Variants in ISM1 observed in about 807,000 individuals in gnomAD.
ISM1 encodes the protein isthmin-1.
ISM1 carries 25 observed loss-of-function variants against 46.3 expected under a neutral mutation model. The observed-to-expected ratio is 0.54, with a 90% CI of 0.39 to 0.75. The LOEUF is 0.75. Among genes scored for constraint, ISM1 ranks in the 30% least tolerant of loss-of-function variants. The probability of loss-of-function intolerance (pLI) is 0.00; values close to 1 mark genes in which losing one functional copy is unlikely to be tolerated. For synonymous variants in ISM1, 255 were observed against 256.7 expected (o/e 0.99, Z 0.06); for missense variants, 536 against 625.4 (o/e 0.86, Z 1.52).
At chr20:13,297,673 A>G (rs1295900709) in intron 5 of ISM1, among the ~76,000 whole-genome samples, 3 of 152,212 alleles carry the variant, frequency 2.0e-5, no homozygotes, top group Admixed American at 1.3e-4. Context: ...TCACAGGATC[A>G]GTTGTTCCCA....
intron 2 of ISM1, among the ~76,000 whole-genome samples, chr20:13,276,117 T>C (rs192463916): frequency 5.0e-4 from 76 of 152,334 alleles, no homozygotes; most frequent in African/African-American, 1.5e-3. Flanking sequence ...ATAATCTGGA[T>C]TTAAAACCCT....
chr20:13,232,735 T>G (rs1407537463), intron 1 of ISM1, among the ~76,000 whole-genome samples: 2 of 152,228 alleles, frequency 1.3e-5, no homozygotes. Context: ...ATAAAGTGTT[T>G]AGGATCTACA....
chr20:13,237,975 A>G (rs555661899), intron 1 of ISM1: 1 of 152,272 alleles, frequency 6.6e-6, no homozygotes, highest in East Asian at 1.9e-4. Flanking sequence ...GTCCATATGA[A>G]AAGAGTGACC....
At chr20:13,247,476 G>A (rs2039809580) in intron 1 of ISM1, among the ~76,000 whole-genome samples, 1 of 151,552 alleles carries the variant, frequency 6.6e-6, no homozygotes, top group Non-Finnish European at 1.5e-5. Flanking sequence ...TTCGCCGGAT[G>A]CTGTGGCTGA....
At chr20:13,242,541 G>A (rs2039738837) in intron 1 of ISM1, among the ~76,000 whole-genome samples, 1 of 152,248 alleles carries the variant, frequency 6.6e-6, no homozygotes. Flanking sequence ...AGGTGAAGGA[G>A]GACAGGCTGA....
At chr20:13,270,300 A>G (rs1176612484) in intron 1 of ISM1, among the ~76,000 whole-genome samples, 6 of 152,262 alleles carry the variant, frequency 3.9e-5, no homozygotes, top group African/African-American at 1.4e-4. Context: ...ATTCCCAAGT[A>G]GCAGGCTAGA....
At chr20:13,270,821 C>T (rs2040106100) in intron 2 of ISM1, 78 bp downstream of exon 2, 6 of 1,374,858 alleles carry the variant, frequency 4.4e-6, no homozygotes, top group Admixed American at 2.0e-5. Flanking sequence ...GTGGAAACTG[C>T]TGCCTTACCT....
chr20:13,322,470 G>C, the ISM1 span, among the ~76,000 whole-genome samples: 1 of 152,178 alleles, frequency 6.6e-6, no homozygotes, highest in Non-Finnish European at 1.5e-5. Flanking sequence ...ATTGCAAACA[G>C]ATCAGTTTCC....
the ISM1 span, among the ~76,000 whole-genome samples, chr20:13,308,008 T>C: frequency 6.6e-6 from 1 of 152,202 alleles, no homozygotes; most frequent in African/African-American, 2.4e-5. Flanking sequence ...TCCAAAGTGG[T>C]TGTCCTGGTG....
At position 13,292,520 on chromosome 20, in the gene ISM1, T is replaced by G. The variant is rs1426193812; in HGVS notation, c.877+57T>G. 12 of 1,149,438 alleles carry G rather than the reference T, an allele frequency of 1.0e-5. No homozygotes were observed. The Admixed American group carries it at 2.3e-4, about 22-fold the overall frequency. The allele number at this position is 1,149,438 out of a possible 1,614,324, so 71.2% of individuals were successfully genotyped here. A position where few individuals can be genotyped will look rare whatever the true frequency, so the allele number is the denominator to read the frequency against. ...TGACTTAGTGCCTCGGAGATTCCTT[T>G]TGCTTTTGCAATGCCATCCTTGGAT... On this transcript the variant is annotated intron_variant, in intron 5 of 5. Coordinates refer to ENST00000262487, the MANE Select transcript of ISM1 (RefSeq NM_080826.2).
At chr20:13,257,164 C>T (rs550810322) in intron 1 of ISM1, among the ~76,000 whole-genome samples, 13 of 152,252 alleles carry the variant, frequency 8.5e-5, no homozygotes, top group African/African-American at 3.1e-4. Context: ...CTATATTTTC[C>T]TGTATGTCTT....
intron 1 of ISM1, among the ~76,000 whole-genome samples, chr20:13,266,470 A>G (rs978814540): frequency 1.3e-5 from 2 of 152,206 alleles, no homozygotes; most frequent in African/African-American, 4.8e-5. Context: ...AGTGGTAGTC[A>G]CAGCTCTGAA....
the ISM1 span, among the ~76,000 whole-genome samples, chr20:13,314,661 G>C: frequency 6.6e-6 from 1 of 152,058 alleles, no homozygotes; most frequent in Middle Eastern, 3.2e-3. Context: ...AATGATAAAG[G>C]TCAGAAACTC....
intron 1 of ISM1, among the ~76,000 whole-genome samples, chr20:13,231,413 T>A (rs2039586657): frequency 6.6e-6 from 1 of 152,174 alleles, no homozygotes; most frequent in Non-Finnish European, 1.5e-5. Flanking sequence ...TCCTGGTGTT[T>A]AGAGATCTAA....
the ISM1 span, among the ~76,000 whole-genome samples, chr20:13,326,145 T>A: frequency 1.3e-5 from 2 of 152,222 alleles, no homozygotes; most frequent in Non-Finnish European, 1.5e-5. Context: ...GTGTCAGCAG[T>A]TTATTCTTTT....
intron 1 of ISM1, among the ~76,000 whole-genome samples, chr20:13,251,231 C>T (rs1358661225): frequency 2.0e-5 from 3 of 152,178 alleles, no homozygotes; most frequent in East Asian, 1.9e-4. Flanking sequence ...TTTCACTTCC[C>T]GCTCCCTGCT....
At position 13,300,473 on chromosome 20, in the gene ISM1, A is replaced by G. The variant is rs377687143; in HGVS notation, c.*1014A>G. ...TTTATGTTTTAAGAAAACAAAAAAA[A>G]CTGCATTATTTTTGTAAAGTATTTA... On this transcript the variant is annotated 3_prime_UTR_variant, in exon 6 of 6. Coordinates refer to ENST00000262487, the MANE Select transcript of ISM1 (RefSeq NM_080826.2). The G allele has an allele frequency of 1.3e-5, 2 of 152,276 alleles. No homozygotes were observed. Among genetic ancestry groups the G allele is most frequent in the Non-Finnish European group, 1.5e-5 (1 of 68,012 alleles). 9.4% of individuals were successfully genotyped at this position (152,276 alleles called of 1,614,324 possible).
chr20:13,221,738 G>C lies in ISM1; in HGVS notation c.-39G>C. On this transcript the variant is annotated 5_prime_UTR_variant, in exon 1 of 6. Transcript: ENST00000262487. ...CCCGGCGTCACCGCCGCCGCCGCCG[G>C]CCGCCGCGCCGGGTCCTAAAGCCGC... 6 of 1,352,262 alleles carry C rather than the reference G, an allele frequency of 4.4e-6. No individual in the cohort carries two copies. The highest frequency in any genetic ancestry group is 5.7e-6 in the Non-Finnish European group (6 of 1,055,740). The allele number at this position is 1,352,262 out of a possible 1,614,324, so 83.8% of individuals were successfully genotyped here. A position where few individuals can be genotyped will look rare whatever the true frequency, so the allele number is the denominator to read the frequency against.
intron 1 of ISM1, among the ~76,000 whole-genome samples, chr20:13,247,274 T>C (rs934392089): frequency 6.6e-6 from 1 of 152,026 alleles, no homozygotes; most frequent in Non-Finnish European, 1.5e-5. Context: ...AAAGAGGGCC[T>C]GGGTCTGCAA....
Sources: allele counts gnomAD v4.1 joint callset (sites outside exome capture counted in the v4.1 genomes callset), GRCh38; gene constraint gnomAD v4.1.1; transcripts MANE v1.5; gene names NCBI Gene and HGNC (gene_info 2026-07-23, HGNC 2026-07-21).